PHACTR2: variants seen among roughly 807,000 people sequenced by gnomAD.
The protein encoded by PHACTR2 is chromosome 6 open reading frame 56.
Under a neutral mutation model 76.0 loss-of-function variants are expected in PHACTR2, and 30 were observed. The ratio of observed to expected loss-of-function variants is 0.39; its 90% CI spans 0.30 to 0.54. The LOEUF (loss-of-function observed/expected upper bound fraction) is 0.54, where lower values mean the gene tolerates loss of function less well. Ranked by LOEUF, PHACTR2 falls within the 20% of genes least tolerant of loss-of-function variation. The probability of loss-of-function intolerance (pLI) is 0.61; values close to 1 mark genes in which losing one functional copy is unlikely to be tolerated. For synonymous variants in PHACTR2, 292 were observed against 292.5 expected, an observed-to-expected ratio of 1.00 and a Z score of 0.02; for missense variants, 696 against 781.1, an observed-to-expected ratio of 0.89 and a Z score of 1.30.
chr6:143,663,713 TGTGTG>T lies in PHACTR2; in HGVS notation c.14-48301_14-48297del, dbSNP rs1776982924. On this transcript the variant is annotated intron_variant, in intron 1 of 11. Coordinates refer to the PHACTR2 transcript ENST00000305766. This position sits in a 1 kb window ranked among gnomAD's most constrained non-coding sequence, Gnocchi z 4.1. ...GTATGTTTCTTTCAGTTTCTAAAAA[TGTGTG>T]GGAGGGGTTTTTATTTCTGTTTTTA... Among the ~76,000 whole-genome samples, 2 of 152,146 alleles carry T rather than the reference TGTGTG, an allele frequency of 1.3e-5. No individual in the cohort carries two copies. Among genetic ancestry groups the T allele is most frequent in the African/African-American group, 2.4e-5 (1 of 41,472 alleles).
chr6:143,578,180 A>G lies in PHACTR2; in HGVS notation c.217+40973A>G, dbSNP rs376264926. Among the ~76,000 whole-genome samples, 229 of 152,312 alleles carry G rather than the reference A, an allele frequency of 1.5e-3. 6 individuals carry two copies. The South Asian group carries it at 0.045, about 30-fold the overall frequency. On this transcript the variant is annotated intron_variant, in intron 1 of 11. Transcript: ENST00000367584. This position sits in a 1 kb window ranked among gnomAD's most constrained non-coding sequence, Gnocchi z 4.5. ...CAAAGGAACCATTGCAGTCAAGTGCAGGGCTCCATGAGAGCTGGAGAGGGG... is the reference window on the plus strand; with the variant it reads ...CAAAGGAACCATTGCAGTCAAGTGCGGGGCTCCATGAGAGCTGGAGAGGGG...
At position 143,827,156 on chromosome 6, in the gene PHACTR2, ATATATATATATAT is replaced by A. The variant is rs1458804447; in HGVS notation, c.*3468_*3480del. The A allele has an allele frequency of 2.9e-3, 53 of 18,362 alleles. No homozygotes were observed. Among genetic ancestry groups the A allele is most frequent in the Non-Finnish European group, 5.4e-3 (46 of 8,530 alleles). 1.1% of individuals were successfully genotyped at this position (18,362 alleles called of 1,614,324 possible). ...GGCTGCGTTGGCATTAAAAAAGAAA[ATATATATATATAT>A]ATATATATATATATATATATATATA... On this transcript the variant is annotated 3_prime_UTR_variant, in exon 13 of 13. Coordinates refer to ENST00000440869, the MANE Select transcript of PHACTR2 (RefSeq NM_001100164.2).
rs1191284696 is a variant in PHACTR2 at position 143,549,564 on chromosome 6, G to C, written c.217+12357G>C. ...CCCAAGCCCAGGAACCTGCTGGGGG[G>C]TACTCAGCAGCTGCTAAGCAGCTAT... is the stretch of plus-strand genomic sequence containing the variant. On this transcript the variant is annotated intron_variant, in intron 1 of 11. Coordinates refer to the PHACTR2 transcript ENST00000367584. This position sits in a 1 kb window ranked among gnomAD's most constrained non-coding sequence, Gnocchi z 4.2. Among the ~76,000 whole-genome samples, 3 of 152,116 alleles carry C rather than the reference G, an allele frequency of 2.0e-5. No homozygotes were observed. Among genetic ancestry groups the C allele is most frequent in the East Asian group, 3.9e-4 (2 of 5,176 alleles).
In PHACTR2 at chr6:143,738,328, C is replaced by T. The variant is rs1033722621; in HGVS notation, c.215-10657C>T. On this transcript the variant is annotated intron_variant, in intron 2 of 12. Transcript: ENST00000440869. The surrounding 1 kb of genome is among the most constrained non-coding windows in gnomAD (Gnocchi z 4.0). ...TTGTGACACTGCACTCCAGCCTGGG[C>T]GACAGAGGGAGACTCCATCTCAAAA... 3.3e-5 allele frequency among the ~76,000 whole-genome samples: 5 copies of T among 151,152 alleles called. No homozygotes were observed. Among genetic ancestry groups the T allele is most frequent in the African/African-American group, 4.9e-5 (2 of 41,104 alleles).
rs1322898031 is a variant in PHACTR2, at chr6:143,697,502, T to C, written c.47-14514T>C. Among the ~76,000 whole-genome samples the C allele has an allele frequency of 6.6e-6, 1 of 152,238 alleles. No individual in the cohort carries two copies. Among genetic ancestry groups the C allele is most frequent in the Non-Finnish European group, 1.5e-5 (1 of 68,038 alleles). Reference sequence around the variant, plus strand: ...CAGCTGTTTTTCAATTATTTGTCTTTGATGAATTGTCTTTCAATTACCTTG... The same window carrying C: ...CAGCTGTTTTTCAATTATTTGTCTTCGATGAATTGTCTTTCAATTACCTTG... On this transcript the variant is annotated intron_variant, in intron 1 of 12. Transcript: ENST00000440869. This position sits in a 1 kb window ranked among gnomAD's most constrained non-coding sequence, Gnocchi z 4.4.
At chr6:143,781,576 A>G (rs922450294) in intron 9 of PHACTR2, among the ~76,000 whole-genome samples, 4 of 152,166 alleles carry the variant, frequency 2.6e-5, no homozygotes, top group Admixed American at 6.5e-5. Flanking sequence ...TTTATCAACA[A>G]TATCAACAAT....
At chr6:143,681,440 G>C (rs960211200) in intron 1 of PHACTR2, among the ~76,000 whole-genome samples, 3 of 151,664 alleles carry the variant, frequency 2.0e-5, no homozygotes, top group Non-Finnish European at 4.4e-5. Context: ...ATTTTAGTTG[G>C]ATAATTTGAC....
chr6:143,540,738 A>C (rs1442388248), intron 1 of PHACTR2, among the ~76,000 whole-genome samples: 1 of 152,190 alleles, frequency 6.6e-6, no homozygotes, highest in Admixed American at 6.5e-5. Flanking sequence ...TATATTTCAA[A>C]ATCTATACAA....
chr6:143,572,023 C>T lies in PHACTR2; in HGVS notation c.217+34816C>T, dbSNP rs187085177. Among the ~76,000 whole-genome samples the T allele has an allele frequency of 9.2e-5, 14 of 152,214 alleles. No homozygotes were observed. In the East Asian group the frequency reaches 2.5e-3, roughly 27 times the overall value. On this transcript the variant is annotated intron_variant, in intron 1 of 11. Coordinates refer to the PHACTR2 transcript ENST00000367584. ...ATGAGGAGCATAGCCTATTTTGATA[C>T]ATATGCTAAAAAATGGGAAGCCACA...
In PHACTR2 at chr6:143,827,158, ATATATATATATATAT is replaced by A. The variant is rs1562322646; in HGVS notation, c.*3470_*3484del. On this transcript the variant is annotated 3_prime_UTR_variant, in exon 13 of 13. Transcript: ENST00000440869. ...CTGCGTTGGCATTAAAAAAGAAAAT[ATATATATATATATAT>A]ATATATATATATATATATATATATA... The A allele has an allele frequency of 0.018, 594 of 33,802 alleles. 39 individuals carry two copies. The South Asian group carries it at 0.2, about 11-fold the overall frequency. 2.1% of individuals were successfully genotyped at this position (33,802 alleles called of 1,614,324 possible).
chr6:143,754,426 A>T lies in PHACTR2; in HGVS notation c.454+514A>T, dbSNP rs1227712769. 6.6e-6 allele frequency among the ~76,000 whole-genome samples: 1 copy of T among 152,210 alleles called. No homozygotes were observed. The highest frequency in any genetic ancestry group is 6.5e-5 in the Admixed American group (1 of 15,288). Reference sequence around the variant, plus strand: ...AGACGTTTCTGAGAGAGACCCAGGAATAGCTCCCAGAGATGCCACGGACTG... The same window carrying T: ...AGACGTTTCTGAGAGAGACCCAGGATTAGCTCCCAGAGATGCCACGGACTG... On this transcript the variant is annotated intron_variant, in intron 4 of 12. Coordinates refer to ENST00000440869, the MANE Select transcript of PHACTR2 (RefSeq NM_001100164.2). This position sits in a 1 kb window ranked among gnomAD's most constrained non-coding sequence, Gnocchi z 6.2.
intron 1 of PHACTR2, among the ~76,000 whole-genome samples, chr6:143,637,741 C>T (rs983678117): frequency 6.6e-6 from 1 of 152,236 alleles, no homozygotes; most frequent in Non-Finnish European, 1.5e-5. Context: ...TTCTTCAAAG[C>T]CAGCAAGGAG....
rs777886233 is a variant in PHACTR2, at chr6:143,617,088, G to A, written c.13+8766G>A. Among the ~76,000 whole-genome samples the A allele has an allele frequency of 3.3e-4, 50 of 152,206 alleles. No homozygotes were observed. The highest frequency in any genetic ancestry group is 2.4e-4 in the Non-Finnish European group (16 of 68,034). On this transcript the variant is annotated intron_variant, in intron 1 of 11. Coordinates refer to the PHACTR2 transcript ENST00000305766. This position sits in a 1 kb window ranked among gnomAD's most constrained non-coding sequence, Gnocchi z 4.8. The stretch of plus-strand genomic sequence containing the variant: ...AAGAATGGACTGGAAAGAAGTAAGA[G>A]TGGAAGCTCCTAAGAATGAAATCCA...
chr6:143,812,607 G>A (rs9399464), intron 12 of PHACTR2, among the ~76,000 whole-genome samples: 57,523 of 152,040 alleles, frequency 0.38, 11,175 homozygotes, highest in South Asian at 0.48. Flanking sequence ...GAATTGGAAT[G>A]GATGCTAGGG....
chr6:143,740,640 C>T (rs11155321), intron 2 of PHACTR2, among the ~76,000 whole-genome samples: 44,341 of 151,798 alleles, frequency 0.29, 7,554 homozygotes, highest in Non-Finnish European at 0.38. Context: ...AGTTGGGAGG[C>T]GGGGTGAGAG....
chr6:143,677,988 G>T lies in PHACTR2; in HGVS notation c.-176G>T. On this transcript the variant is annotated 5_prime_UTR_variant, in exon 1 of 13. Coordinates refer to ENST00000440869, the MANE Select transcript of PHACTR2 (RefSeq NM_001100164.2). ...GCATCCGCTGGGCAGGATCCGCCGC[G>T]CCGGCTGCGGCCGGCCGGGCTGGGA... is the stretch of plus-strand genomic sequence containing the variant. 7.1e-7 allele frequency: 1 copy of T among 1,402,788 alleles called. No homozygotes were observed. Among genetic ancestry groups the T allele is most frequent in the Non-Finnish European group, 9.3e-7 (1 of 1,070,244 alleles). 86.9% of individuals were successfully genotyped at this position (1,402,788 alleles called of 1,614,324 possible). A position where few individuals can be genotyped will look rare whatever the true frequency, so the allele number is the denominator to read the frequency against.
At chr6:143,797,121 A>G (rs1269946853) in intron 11 of PHACTR2, among the ~76,000 whole-genome samples, 2 of 152,222 alleles carry the variant, frequency 1.3e-5, no homozygotes, top group African/African-American at 4.8e-5. Flanking sequence ...ATGAGATGGT[A>G]TCTCATTCTG....
At chr6:143,727,522 T>A (rs1024767500) in intron 2 of PHACTR2, among the ~76,000 whole-genome samples, 1 of 149,362 alleles carries the variant, frequency 6.7e-6, no homozygotes, top group Non-Finnish European at 1.5e-5. Context: ...TTTTAGTTTT[T>A]TTGAGAAACC....
chr6:143,616,712 G>T lies in PHACTR2; in HGVS notation c.13+8390G>T, dbSNP rs1582703089. Among the ~76,000 whole-genome samples the T allele has an allele frequency of 6.6e-6, 1 of 152,320 alleles. No individual in the cohort carries two copies. Among genetic ancestry groups the T allele is most frequent in the East Asian group, 1.9e-4 (1 of 5,182 alleles). On this transcript the variant is annotated intron_variant, in intron 1 of 11. Transcript: ENST00000305766. This position sits in a 1 kb window ranked among gnomAD's most constrained non-coding sequence, Gnocchi z 4.9. The stretch of plus-strand genomic sequence containing the variant: ...GACAAAATGCTTGGGGTTGTGATCA[G>T]TGCTGCTAAGTTAATCAACTGGTAT...
Sources: gnomAD v4.1 joint callset for allele counts (sites outside exome capture counted in the v4.1 genomes callset) on GRCh38, gnomAD v4.1.1 for gene constraint, Gnocchi (gnomAD v3.1) non-coding constraint, MANE v1.5 for transcripts, NCBI Gene and HGNC (gene_info 2026-07-23, HGNC 2026-07-21) for gene names.